STOX2: variants seen among roughly 807,000 people sequenced by gnomAD.
STOX2 encodes storkhead-box protein 2.
STOX2 carries 28 observed loss-of-function variants against 60.9 expected under a neutral mutation model. The observed-to-expected ratio is 0.46, with a 90% CI of 0.34 to 0.63. The LOEUF (loss-of-function observed/expected upper bound fraction) is 0.63. STOX2 is among the 30% of genes least tolerant of loss of function. STOX2 has a pLI of 0.01. For missense variants in STOX2, 1,024 were observed against 1,187.7 expected, an observed-to-expected ratio of 0.86 and a Z score of 2.03; for synonymous variants, 472 against 463.9, an observed-to-expected ratio of 1.02 and a Z score of -0.22.
At chr4:183,848,538 A>G (rs1217166443) in intron 1 of STOX2, among the ~76,000 whole-genome samples, 3 of 152,156 alleles carry the variant, frequency 2.0e-5, no homozygotes, top group African/African-American at 7.2e-5. Context: ...GGGCTGGGGA[A>G]GGGCCTCCGA....
chr4:183,818,888 G>A (rs986435260), intron 1 of STOX2, among the ~76,000 whole-genome samples: 7 of 151,896 alleles, frequency 4.6e-5, no homozygotes, highest in Non-Finnish European at 8.8e-5. Flanking sequence ...GGGCAGAGGC[G>A]CGCGTCACTT....
At chr4:183,885,227 C>T (rs1273229591) in intron 1 of STOX2, among the ~76,000 whole-genome samples, 3 of 152,066 alleles carry the variant, frequency 2.0e-5, no homozygotes, top group Non-Finnish European at 4.4e-5. Context: ...TTTTCTTCAC[C>T]TTTCATACTG....
At chr4:183,832,309 A>G (rs1340788651) in intron 1 of STOX2, among the ~76,000 whole-genome samples, 1 of 150,708 alleles carries the variant, frequency 6.6e-6, no homozygotes, top group African/African-American at 2.4e-5. Context: ...ATTCATTTCT[A>G]TTTGTTTCTG....
At chr4:183,873,039 A>G (rs1365296668) in intron 1 of STOX2, among the ~76,000 whole-genome samples, 1 of 152,142 alleles carries the variant, frequency 6.6e-6, no homozygotes, top group Admixed American at 6.5e-5. Context: ...ACTTTTTGGA[A>G]GCTGGCTCTT....
chr4:183,903,143 G>A (rs1393957306), upstream of STOX2, among the ~76,000 whole-genome samples: 1 of 152,008 alleles, frequency 6.6e-6, no homozygotes, highest in South Asian at 2.1e-4. Flanking sequence ...ACTCTTCAAC[G>A]GCTCACACTG....
At chr4:183,837,825 C>T (rs576860980) in intron 1 of STOX2, among the ~76,000 whole-genome samples, 25 of 152,264 alleles carry the variant, frequency 1.6e-4, no homozygotes, top group Admixed American at 3.3e-4. Flanking sequence ...AATACTCCAT[C>T]GTGTGTGTAT....
chr4:183,968,789 C>T (rs1743656202), intron 1 of STOX2, among the ~76,000 whole-genome samples: 1 of 112,864 alleles, frequency 8.9e-6, no homozygotes, highest in Non-Finnish European at 1.8e-5. Context: ...AGGGGTTTGG[C>T]CGGGGGAGGG....
At chr4:183,811,459 A>G (rs755197499) in intron 1 of STOX2, among the ~76,000 whole-genome samples, 6 of 152,194 alleles carry the variant, frequency 3.9e-5, no homozygotes, top group Non-Finnish European at 8.8e-5. Flanking sequence ...ATGAAGCGCC[A>G]TGCTGTTCCT....
At chr4:184,016,636 T>C (rs1418194751) in intron 3 of STOX2, among the ~76,000 whole-genome samples, 1 of 152,196 alleles carries the variant, frequency 6.6e-6, no homozygotes, top group Non-Finnish European at 1.5e-5. Context: ...CGAAATCTGC[T>C]AATCCAGAAT....
intron 1 of STOX2, among the ~76,000 whole-genome samples, chr4:183,830,398 T>G (rs1266722182): frequency 6.6e-6 from 1 of 152,210 alleles, no homozygotes; most frequent in Non-Finnish European, 1.5e-5. Context: ...TTATCTTGTT[T>G]TCTGAATTCC....
At chr4:183,798,484 C>A (rs1223701697) in intron 1 of STOX2, among the ~76,000 whole-genome samples, 1 of 151,828 alleles carries the variant, frequency 6.6e-6, no homozygotes, top group Admixed American at 6.6e-5. Flanking sequence ...GCGCGGGGCT[C>A]CCAGCTGGAG....
At chr4:183,948,212 C>A (rs867885601) in intron 1 of STOX2, among the ~76,000 whole-genome samples, 1 of 58,216 alleles carries the variant, frequency 1.7e-5, no homozygotes, top group South Asian at 7.3e-4. Context: ...GAGCAAAACT[C>A]CATCTCAAAA....
rs532640061 is a variant in STOX2 at position 183,969,641 on chromosome 4, C to T, written c.167-31684C>T. On this transcript the variant is annotated intron_variant, in intron 1 of 3. Transcript: ENST00000308497. The stretch of plus-strand genomic sequence containing the variant: ...GGGTTGCAGGGTTTTTTTTTTGAGA[C>T]GGGATCTTACTGTGTCACCCAAGCT... Among the ~76,000 whole-genome samples the T allele has an allele frequency of 1.3e-4, 19 of 150,928 alleles. No individual in the cohort carries two copies. In the South Asian group the frequency reaches 2.1e-3, roughly 17 times the overall value.
chr4:183,874,129 C>G (rs1740758358), intron 1 of STOX2, among the ~76,000 whole-genome samples: 1 of 152,052 alleles, frequency 6.6e-6, no homozygotes, highest in Non-Finnish European at 1.5e-5. Flanking sequence ...TGTGGTTGTA[C>G]CAATATCTTA....
At chr4:183,839,695 G>A (rs1739805672) in intron 1 of STOX2, among the ~76,000 whole-genome samples, 1 of 152,178 alleles carries the variant, frequency 6.6e-6, no homozygotes, top group Non-Finnish European at 1.5e-5. Flanking sequence ...TGCATTTCAT[G>A]TTCTTTTTCG....
chr4:183,999,305 C>T (rs746082353), intron 1 of STOX2, among the ~76,000 whole-genome samples: 4 of 152,102 alleles, frequency 2.6e-5, no homozygotes, highest in East Asian at 3.9e-4. Flanking sequence ...AGTTCACACT[C>T]GGTCTCGCCT....
chr4:184,010,381 G>C lies in STOX2; in HGVS notation c.1543G>C (p.Gly515Arg). The change falls in exon 3 of 4, where the codon GGC becomes CGC. Residue 515 changes from glycine (G) to arginine (R), a missense_variant. Transcript: ENST00000308497. The surrounding 1 kb of genome is among the most constrained non-coding windows in gnomAD (Gnocchi z 4.5). ...AGGGACGCCGGAAGACCTTGCTGAA[G>C]GCTGCAGCCAAGACGACCAGACCCC... ...SLGTPEDLAE[G>R]CSQDDQTPSQ... 1 of 1,613,316 alleles carries C rather than the reference G, an allele frequency of 6.2e-7. No individual in the cohort carries two copies. Among genetic ancestry groups the C allele is most frequent in the Non-Finnish European group, 8.5e-7 (1 of 1,179,622 alleles).
intron 1 of STOX2, among the ~76,000 whole-genome samples, chr4:183,982,701 G>A (rs529236957): frequency 6.6e-6 from 1 of 152,326 alleles, no homozygotes; most frequent in South Asian, 2.1e-4. Flanking sequence ...GGTGCGTTGT[G>A]AAACTCATGC....
intron 1 of STOX2, among the ~76,000 whole-genome samples, chr4:183,857,418 C>CGTAGG (rs1482826285): frequency 6.1e-5 from 1 of 16,322 alleles, no homozygotes; most frequent in African/African-American, 1.3e-4. Flanking sequence ...TTGGTCATCC[C>CGTAGG]ACAGGACTGG....
Sources: allele counts gnomAD v4.1 joint callset (sites outside exome capture counted in the v4.1 genomes callset), GRCh38; gene constraint gnomAD v4.1.1; non-coding constraint Gnocchi (gnomAD v3.1); transcripts MANE v1.5; gene names NCBI Gene and HGNC (gene_info 2026-07-23, HGNC 2026-07-21).